The following SNX8 variants were observed in gnomAD, a reference collection of about 807,000 sequenced individuals.
SNX8 encodes the protein sorting nexin-8.
In SNX8, 25 loss-of-function variants were observed where a neutral mutation model predicts 51.6. That is an observed-to-expected ratio of 0.48 (90% CI 0.35 to 0.68). The LOEUF is 0.68. Among genes scored for constraint, SNX8 ranks in the 30% least tolerant of loss-of-function variants. SNX8 has a pLI of 0.00. For missense variants in SNX8, 695 were observed against 624.0 expected (o/e 1.11, Z -1.21); for synonymous variants, 324 against 277.0 (o/e 1.17, Z -1.68).
At chr7:2,342,987 G>GT (rs1472298565) in intron 1 of SNX8, among the ~76,000 whole-genome samples, 3 of 151,864 alleles carry the variant, frequency 2.0e-5, no homozygotes, top group African/African-American at 7.2e-5. Context: ...TAGAGACGGG[G>GT]TTTTACCGTA....
chr7:2,258,249 C>T (rs557594925), intron 7 of SNX8, among the ~76,000 whole-genome samples: 2 of 152,192 alleles, frequency 1.3e-5, no homozygotes, highest in South Asian at 4.1e-4. Flanking sequence ...ATCTCCAGAC[C>T]TCGTGATCCG....
chr7:2,268,382 C>T (rs1444142156), intron 5 of SNX8, among the ~76,000 whole-genome samples: 2 of 144,414 alleles, frequency 1.4e-5, no homozygotes, highest in African/African-American at 5.1e-5. Flanking sequence ...CCTCTCCGCC[C>T]GGCAGCCACC....
Position 2,275,229 on chromosome 7 carries a change from G to A in SNX8, c.301C>T (p.Arg101Cys), listed in dbSNP as rs1795749495. The A allele has an allele frequency of 3.7e-6, 6 of 1,605,068 alleles. No homozygotes were observed. Among genetic ancestry groups the A allele is most frequent in the East Asian group, 4.5e-5 (2 of 44,824 alleles). ...KHVEYEVSSQ[R>C]FKSSVYRRYN... ...CGTCTGTATACCGAGGACTTGAAGC[G>A]CTGCAAGAGAAGGGTCGGTGCTTAG... is the stretch of plus-strand genomic sequence containing the variant. The change falls in exon 3 of 11, where the codon CGC (arginine) becomes TGC (cysteine). Residue 101 changes from arginine to cysteine, a missense_variant and splice_region_variant. Coordinates refer to ENST00000222990, the MANE Select transcript of SNX8 (RefSeq NM_013321.4).
intron 5 of SNX8, among the ~76,000 whole-genome samples, chr7:2,265,986 C>T (rs956500634): frequency 6.6e-6 from 1 of 151,964 alleles, no homozygotes; most frequent in African/African-American, 2.4e-5. Flanking sequence ...TACTGTGGTG[C>T]ATGCCTGTGG....
At chr7:2,344,480 T>C (rs926359467) in intron 1 of SNX8, among the ~76,000 whole-genome samples, 7 of 149,770 alleles carry the variant, frequency 4.7e-5, no homozygotes, top group Middle Eastern at 3.7e-3. Context: ...GGCGTGGTGG[T>C]GGGTGCCTGT....
intron 1 of SNX8, among the ~76,000 whole-genome samples, chr7:2,284,301 A>C (rs1323627277): frequency 6.6e-6 from 1 of 152,000 alleles, no homozygotes; most frequent in African/African-American, 2.4e-5. Context: ...AGCCCTTGTC[A>C]TAGGGCAACA....
At chr7:2,304,675 G>C (rs1213236782) in intron 1 of SNX8, among the ~76,000 whole-genome samples, 1 of 152,154 alleles carries the variant, frequency 6.6e-6, no homozygotes, top group Non-Finnish European at 1.5e-5. Flanking sequence ...CTTCGCAGAA[G>C]CTTCCAGGAG....
chr7:2,259,063 T>G (rs1795272645), intron 7 of SNX8, among the ~76,000 whole-genome samples: 1 of 152,112 alleles, frequency 6.6e-6, no homozygotes, highest in African/African-American at 2.4e-5. Flanking sequence ...GAACACACGG[T>G]GCTCAGAGGC....
In SNX8 at chr7:2,297,656, T is replaced by C. The variant is rs1584715859; in HGVS notation, c.94+16672A>G. Among the ~76,000 whole-genome samples the C allele has an allele frequency of 2.0e-5, 3 of 150,066 alleles. No individual in the cohort carries two copies. The East Asian group carries it at 5.9e-4, about 30-fold the overall frequency. On this transcript the variant is annotated intron_variant, in intron 1 of 10. Transcript: ENST00000222990. ...ATCAACCTAAGTGCCCGTCAACCGA[T>C]GAGTAGATGCAGAAAATGTGGTTCA...
At chr7:2,351,530 C>A (rs115169476) in intron 1 of SNX8, among the ~76,000 whole-genome samples, 5,083 of 152,034 alleles carry the variant, frequency 0.033, 252 homozygotes, top group African/African-American at 0.11. Context: ...CAGAGTGAGA[C>A]CCTGTTAAAA....
intron 5 of SNX8, among the ~76,000 whole-genome samples, chr7:2,267,095 C>T (rs1795482013): frequency 6.6e-6 from 1 of 152,216 alleles, no homozygotes; most frequent in Non-Finnish European, 1.5e-5. Context: ...AAATGACAGC[C>T]TCCCTGAGCC....
chr7:2,313,487 TTGCACTCCAGCCTGAGTGACAG>T (rs1323728580), intron 1 of SNX8, among the ~76,000 whole-genome samples: 1 of 148,146 alleles, frequency 6.8e-6, no homozygotes, highest in African/African-American at 2.5e-5. Flanking sequence ...GATCGCACCA[TTGCACTCCAGCCTGAGTGACAG>T]TGAGAATCTG....
At chr7:2,351,788 A>G (rs1018204365) in intron 1 of SNX8, among the ~76,000 whole-genome samples, 6 of 151,720 alleles carry the variant, frequency 4.0e-5, no homozygotes, top group Non-Finnish European at 8.8e-5. Flanking sequence ...CCGAGATAGC[A>G]CCACTGCACT....
At chr7:2,340,906 G>A (rs954017729) in intron 1 of SNX8, among the ~76,000 whole-genome samples, 3 of 147,262 alleles carry the variant, frequency 2.0e-5, no homozygotes, top group Non-Finnish European at 4.5e-5. Flanking sequence ...ATCAGTACTC[G>A]GGTACAGTGG....
intron 2 of SNX8, among the ~76,000 whole-genome samples, chr7:2,276,125 A>G (rs1269385618): frequency 1.3e-5 from 2 of 152,180 alleles, no homozygotes; most frequent in Non-Finnish European, 2.9e-5. Flanking sequence ...CTATGTGGCA[A>G]TGAATTTACT....
chr7:2,291,294 G>A (rs1331373988), intron 1 of SNX8, among the ~76,000 whole-genome samples: 1 of 151,448 alleles, frequency 6.6e-6, no homozygotes, highest in Non-Finnish European at 1.5e-5. Context: ...AAGACACCCT[G>A]TTTAAAAAAA....
At chr7:2,297,409 G>A (rs1471756357) in intron 1 of SNX8, among the ~76,000 whole-genome samples, 1 of 151,402 alleles carries the variant, frequency 6.6e-6, no homozygotes, top group African/African-American at 2.4e-5. Context: ...AATTAGCCAG[G>A]CACGGTGGCA....
intron 1 of SNX8, among the ~76,000 whole-genome samples, chr7:2,346,557 C>G (rs1485606928): frequency 6.6e-6 from 1 of 151,460 alleles, no homozygotes; most frequent in Non-Finnish European, 1.5e-5. Context: ...ACCATCCTGG[C>G]TAACACAGTG....
At chr7:2,286,260 C>T (rs1442809671) in intron 1 of SNX8, among the ~76,000 whole-genome samples, 1 of 152,020 alleles carries the variant, frequency 6.6e-6, no homozygotes, top group African/African-American at 2.4e-5. Flanking sequence ...GATCCGCCTG[C>T]CTCGGCCTCC....
Sources: allele counts gnomAD v4.1 joint callset (sites outside exome capture counted in the v4.1 genomes callset), GRCh38; gene constraint gnomAD v4.1.1; transcripts MANE v1.5; gene names NCBI Gene and HGNC (gene_info 2026-07-23, HGNC 2026-07-21).